The following RORA variants were observed in gnomAD, a reference collection of about 807,000 sequenced individuals.
RORA encodes the protein RAR related orphan receptor A.
A neutral mutation model predicts 69.5 loss-of-function variants in RORA; 7 were observed. The observed-to-expected ratio is 0.10, with a 90% CI of 0.06 to 0.19. RORA has a LOEUF of 0.19. RORA is among the 10% of genes least tolerant of loss of function. The pLI, the probability that RORA is intolerant of heterozygous loss-of-function variation, is 1.00. For synonymous variants in RORA, 261 were observed against 240.8 expected (o/e 1.08, Z -0.78); for missense variants, 457 against 663.0 (o/e 0.69, Z 3.41).
intron 1 of RORA, among the ~76,000 whole-genome samples, chr15:61,054,282 G>A (rs898813595): frequency 4.7e-5 from 7 of 148,312 alleles, no homozygotes; most frequent in Non-Finnish European, 8.9e-5. Flanking sequence ...AATAAGATGG[G>A]AAACTAAACA....
chr15:60,517,404 C>T (rs2066000632), intron 3 of RORA, among the ~76,000 whole-genome samples: 1 of 151,550 alleles, frequency 6.6e-6, no homozygotes, highest in African/African-American at 2.4e-5. Flanking sequence ...TACCCTTGAT[C>T]AAGTCCCGCC....
At chr15:60,645,160 T>C (rs2070016542) in intron 2 of RORA, among the ~76,000 whole-genome samples, 1 of 151,938 alleles carries the variant, frequency 6.6e-6, no homozygotes, top group Admixed American at 6.6e-5. Flanking sequence ...TGATAAGCTA[T>C]GACCTTGAGG....
chr15:60,673,539 G>C (rs1396971095), intron 2 of RORA, among the ~76,000 whole-genome samples: 1 of 152,178 alleles, frequency 6.6e-6, no homozygotes, highest in Non-Finnish European at 1.5e-5. Context: ...TAGCACCCAG[G>C]GTTAAATTTT....
chr15:60,984,354 G>A (rs2064402074), intron 1 of RORA, among the ~76,000 whole-genome samples: 2 of 151,768 alleles, frequency 1.3e-5, no homozygotes, highest in African/African-American at 4.8e-5. Context: ...TTTTAAAAAA[G>A]AATCGTGACA....
chr15:61,053,222 T>C (rs2078038773), intron 1 of RORA, among the ~76,000 whole-genome samples: 1 of 152,170 alleles, frequency 6.6e-6, no homozygotes. Flanking sequence ...TTCATTGTAA[T>C]GTACTGTTAC....
In RORA at chr15:60,906,813, A is replaced by G. The variant is rs111456833; in HGVS notation, c.167-228127T>C. 3.7e-3 allele frequency among the ~76,000 whole-genome samples: 559 copies of G among 152,220 alleles called. 8 individuals carry two copies. Among genetic ancestry groups the G allele is most frequent in the African/African-American group, 0.012 (493 of 41,528 alleles). On this transcript the variant is annotated intron_variant, in intron 1 of 10. Coordinates refer to ENST00000335670, the MANE Select transcript of RORA (RefSeq NM_134261.3). ...AGATTATAAAAAAACTTGTACCTGC[A>G]TTTTTCAAACTCATTATTATTATTG...
intron 1 of RORA, among the ~76,000 whole-genome samples, chr15:60,938,291 T>C (rs1327826502): frequency 2.0e-5 from 3 of 152,158 alleles, no homozygotes; most frequent in Non-Finnish European, 2.9e-5. Context: ...GAGGCAATAA[T>C]GAAGAAAAAT....
At chr15:60,501,205 A>G in intron 8 of RORA, 136 bp from the exon 9 acceptor site, 2 of 623,912 alleles carry the variant, frequency 3.2e-6, no homozygotes, top group Non-Finnish European at 2.9e-6. Context: ...AGGTGAAGAG[A>G]GATCTAGTGG....
intron 1 of RORA, among the ~76,000 whole-genome samples, chr15:61,116,168 G>A (rs1358315507): frequency 1.3e-5 from 2 of 152,180 alleles, no homozygotes; most frequent in Admixed American, 6.5e-5. Flanking sequence ...AGGGAGACTA[G>A]CTATGAAAAT....
At chr15:60,528,745 A>T (rs927860229) in intron 3 of RORA, 2 of 152,198 alleles carry the variant, frequency 1.3e-5, no homozygotes, top group South Asian at 4.2e-4. Context: ...CTTGTGATGC[A>T]TCTGGCATTC....
intron 1 of RORA, among the ~76,000 whole-genome samples, chr15:60,727,529 C>T (rs2071375906): frequency 6.6e-6 from 1 of 152,206 alleles, no homozygotes; most frequent in South Asian, 2.1e-4. Context: ...AAGCTCTAAA[C>T]TGTCAACTAG....
At chr15:61,219,415 A>C (rs1298196308) in intron 1 of RORA, among the ~76,000 whole-genome samples, 1 of 152,164 alleles carries the variant, frequency 6.6e-6, no homozygotes, top group Non-Finnish European at 1.5e-5. Flanking sequence ...TCTACTAAAA[A>C]TACAAAAAAA....
At chr15:60,886,714 CA>C (rs1466469044) in intron 1 of RORA, among the ~76,000 whole-genome samples, 2 of 152,200 alleles carry the variant, frequency 1.3e-5, no homozygotes, top group African/African-American at 4.8e-5. Context: ...ATGAAAGAAT[CA>C]AAACTCTGAA....
At chr15:60,725,421 T>A (rs2071344344) in intron 1 of RORA, among the ~76,000 whole-genome samples, 1 of 152,192 alleles carries the variant, frequency 6.6e-6, no homozygotes, top group Non-Finnish European at 1.5e-5. Flanking sequence ...TGGAAAAATT[T>A]TTTTAATTTT....
At chr15:60,955,702 C>G (rs1893247678) in intron 1 of RORA, among the ~76,000 whole-genome samples, 1 of 152,196 alleles carries the variant, frequency 6.6e-6, no homozygotes, top group South Asian at 2.1e-4. Flanking sequence ...ACTTGGCCCC[C>G]ATATATGCTC....
At chr15:61,170,504 C>G (rs1452011759) in intron 1 of RORA, among the ~76,000 whole-genome samples, 1 of 152,206 alleles carries the variant, frequency 6.6e-6, no homozygotes, top group Non-Finnish European at 1.5e-5. Context: ...GATCATCTCC[C>G]AACTCAAGGT....
In RORA at chr15:60,771,135, C is replaced by G. The variant is rs564781098; in HGVS notation, c.167-92449G>C. On this transcript the variant is annotated intron_variant, in intron 1 of 10. Coordinates refer to ENST00000335670, the MANE Select transcript of RORA (RefSeq NM_134261.3). Reference sequence around the variant, plus strand: ...TCTTAAGGTAGGACTTCTGGGTCCCCCATAGACTGACTCTCTTTTCTTTCT... The same window carrying G: ...TCTTAAGGTAGGACTTCTGGGTCCCGCATAGACTGACTCTCTTTTCTTTCT... 7.9e-5 allele frequency among the ~76,000 whole-genome samples: 12 copies of G among 152,252 alleles called. No individual in the cohort carries two copies. The South Asian group carries it at 2.3e-3, about 29-fold the overall frequency.
chr15:61,168,769 C>T lies in RORA; in HGVS notation c.166+60284G>A, dbSNP rs576845760. 2.6e-5 allele frequency among the ~76,000 whole-genome samples: 4 copies of T among 152,228 alleles called. No individual in the cohort carries two copies. In the South Asian group the frequency reaches 8.3e-4, roughly 32 times the overall value. On this transcript the variant is annotated intron_variant, in intron 1 of 10. Coordinates refer to ENST00000335670, the MANE Select transcript of RORA (RefSeq NM_134261.3). ...GTATGCTGGGCTTGAAATCAAAACA[C>T]CGAGATTCAGTCCTAGTTCTAGCAG...
At chr15:60,744,751 T>C (rs1342714450) in intron 1 of RORA, among the ~76,000 whole-genome samples, 1 of 152,184 alleles carries the variant, frequency 6.6e-6, no homozygotes, top group Non-Finnish European at 1.5e-5. Context: ...GTGATAACAA[T>C]GGTGGCTGTG....
Sources: allele counts gnomAD v4.1 joint callset (sites outside exome capture counted in the v4.1 genomes callset), GRCh38; gene constraint gnomAD v4.1.1; transcripts MANE v1.5; gene names NCBI Gene and HGNC (gene_info 2026-07-23, HGNC 2026-07-21).